The following KIAA1217 variants were observed in gnomAD, a reference collection of about 807,000 sequenced individuals.
The protein encoded by KIAA1217 is sickle tail protein homolog.
A neutral mutation model predicts 163.9 loss-of-function variants in KIAA1217; 88 were observed. That is an observed-to-expected ratio of 0.54 (90% confidence interval 0.45 to 0.64). The LOEUF is 0.64. Among genes scored for constraint, KIAA1217 ranks in the 30% least tolerant of loss-of-function variants. The pLI, the probability that KIAA1217 is intolerant of heterozygous loss-of-function variation, is 0.00. For missense variants in KIAA1217, 2,372 were observed against 2,475.0 expected (o/e 0.96, Z 0.88); for synonymous variants, 903 against 923.1 (o/e 0.98, Z 0.39).
intron 3 of KIAA1217, among the ~76,000 whole-genome samples, chr10:24,390,734 T>G (rs1366240665): frequency 1.3e-5 from 2 of 152,210 alleles, no homozygotes; most frequent in Non-Finnish European, 2.9e-5. Context: ...AAGTAAAACA[T>G]TTCAGGCTAA....
intron 5 of KIAA1217, among the ~76,000 whole-genome samples, chr10:24,472,617 T>C (rs2063646912): frequency 6.6e-6 from 1 of 152,210 alleles, no homozygotes; most frequent in Admixed American, 6.5e-5. Context: ...GCCACCACAC[T>C]ATTTTTTCCT....
At chr10:23,837,108 C>T (rs1231627427) in intron 1 of KIAA1217, among the ~76,000 whole-genome samples, 2 of 152,024 alleles carry the variant, frequency 1.3e-5, no homozygotes, top group Non-Finnish European at 2.9e-5. Flanking sequence ...GAGAACATGC[C>T]GTGTTTGACT....
At chr10:24,023,295 A>C (rs1214594820) in intron 2 of KIAA1217, among the ~76,000 whole-genome samples, 1 of 151,712 alleles carries the variant, frequency 6.6e-6, no homozygotes, top group Admixed American at 6.6e-5. Context: ...GGGAAGAGTA[A>C]AATTTTATAA....
chr10:24,381,335 A>G (rs1328746119), intron 3 of KIAA1217, among the ~76,000 whole-genome samples: 1 of 152,122 alleles, frequency 6.6e-6, no homozygotes, highest in Admixed American at 6.5e-5. Flanking sequence ...TATTTTACCT[A>G]TGTTCCTGCT....
Position 23,789,103 on chromosome 10 carries a change from G to A in KIAA1217, c.-321+93869G>A, listed in dbSNP as rs188463401. On this transcript the variant is annotated intron_variant, in intron 1 of 18. Transcript: ENST00000376462. The stretch of plus-strand genomic sequence containing the variant: ...AGAAAACTTTGTCTTTTCTATTTCC[G>A]TTTCTCTGATTGTGAAATAAATTAG... Among the ~76,000 whole-genome samples, 125 of 152,100 alleles carry A rather than the reference G, an allele frequency of 8.2e-4. 2 individuals carry two copies. The highest frequency in any genetic ancestry group is 1.9e-4 in the Non-Finnish European group (13 of 68,000).
At chr10:23,781,668 C>T (rs1835264446) in intron 1 of KIAA1217, among the ~76,000 whole-genome samples, 1 of 152,092 alleles carries the variant, frequency 6.6e-6, no homozygotes, top group South Asian at 2.1e-4. Flanking sequence ...AGGAGCTTTT[C>T]CCCTGTGTTT....
intron 1 of KIAA1217, among the ~76,000 whole-genome samples, chr10:23,896,886 G>A (rs1308723013): frequency 6.6e-6 from 1 of 152,030 alleles, no homozygotes; most frequent in East Asian, 1.9e-4. Context: ...GTGGGTGGTG[G>A]TTCACAAGTT....
chr10:23,973,257 G>A (rs1225601980), intron 1 of KIAA1217, among the ~76,000 whole-genome samples: 4 of 152,188 alleles, frequency 2.6e-5, no homozygotes, highest in African/African-American at 9.6e-5. Flanking sequence ...AGGGAAAAGA[G>A]AATTATTGAA....
At chr10:24,439,772 C>T (rs2060338985) in intron 5 of KIAA1217, among the ~76,000 whole-genome samples, 2 of 152,040 alleles carry the variant, frequency 1.3e-5, no homozygotes, top group African/African-American at 2.4e-5. Context: ...TGCTCACATC[C>T]CTAACCCTCC....
chr10:24,262,423 A>G (rs1361619241), intron 2 of KIAA1217, among the ~76,000 whole-genome samples: 3 of 152,000 alleles, frequency 2.0e-5, no homozygotes, highest in East Asian at 1.9e-4. Flanking sequence ...GTCAGGAGAT[A>G]GAGACCATCC....
At chr10:23,828,061 C>A (rs930404709) in intron 1 of KIAA1217, among the ~76,000 whole-genome samples, 2 of 152,156 alleles carry the variant, frequency 1.3e-5, no homozygotes, top group Admixed American at 6.5e-5. Context: ...AGCTAATTAA[C>A]GCTTATTGAT....
In KIAA1217 at chr10:24,118,995, A is replaced by G. The variant is rs377679161; in HGVS notation, c.-170-100631A>G. ...CCCTAGTCAGCCTTTTTTGCATATT[A>G]TAATCTCAATGAAGTTATCAGTTGT... On this transcript the variant is annotated intron_variant, in intron 2 of 18. Coordinates refer to the KIAA1217 transcript ENST00000376462. 5.9e-5 allele frequency among the ~76,000 whole-genome samples: 9 copies of G among 151,822 alleles called. No individual in the cohort carries two copies. In the East Asian group the frequency reaches 1.3e-3, roughly 23 times the overall value.
At chr10:24,171,126 G>T (rs779053059) in intron 2 of KIAA1217, among the ~76,000 whole-genome samples, 1 of 152,204 alleles carries the variant, frequency 6.6e-6, no homozygotes, top group East Asian at 1.9e-4. Context: ...TTCACTCAAA[G>T]ACATAATCAG....
intron 10 of KIAA1217, among the ~76,000 whole-genome samples, chr10:24,519,136 C>T (rs2070682397): frequency 6.6e-6 from 1 of 152,210 alleles, no homozygotes; most frequent in African/African-American, 2.4e-5. Context: ...CTTTCGGACG[C>T]TGGCTCCACA....
At chr10:24,401,374 G>A (rs1453973193) in intron 3 of KIAA1217, among the ~76,000 whole-genome samples, 1 of 152,114 alleles carries the variant, frequency 6.6e-6, no homozygotes, top group Non-Finnish European at 1.5e-5. Flanking sequence ...TCATCAAGGT[G>A]TAAAAGCAAT....
At chr10:24,069,592 G>T (rs1357806431) in intron 2 of KIAA1217, among the ~76,000 whole-genome samples, 1 of 152,176 alleles carries the variant, frequency 6.6e-6, no homozygotes. Flanking sequence ...GTGCTGTGCT[G>T]GGGGTAGGGG....
At chr10:24,374,983 A>C (rs180929650) in intron 2 of KIAA1217, among the ~76,000 whole-genome samples, 5 of 152,232 alleles carry the variant, frequency 3.3e-5, no homozygotes, top group African/African-American at 9.6e-5. Flanking sequence ...CAGAGTCTCA[A>C]CTAGGTTGCC....
intron 1 of KIAA1217, among the ~76,000 whole-genome samples, chr10:23,828,465 G>C (rs1168121819): frequency 6.6e-6 from 1 of 152,068 alleles, no homozygotes; most frequent in Non-Finnish European, 1.5e-5. Context: ...TTGATAGTTT[G>C]GTTTTATAAC....
Position 24,546,277 on chromosome 10 carries a change from G to C in KIAA1217, c.5785G>C (p.Gly1929Arg). Reference protein sequence around the residue: ...PSLTSYKAQNGSSSKATPSTA... With the variant: ...PSLTSYKAQNRSSSKATPSTA... ...CCTCACCAGCTACAAGGCACAGAAT[G>C]GAAGTTCAAGCAAAGCCACCCCATC... Residue 1929 changes from glycine to arginine, a missense_variant, in exon 21 of 21, where the codon GGA becomes CGA. This residue lies in a region of KIAA1217 where 690 missense variants were observed against 677.5 expected (regional missense o/e 1.02). Transcript: ENST00000376454. 6.2e-7 allele frequency: 1 copy of C among 1,612,978 alleles called. No individual in the cohort carries two copies. Among genetic ancestry groups the C allele is most frequent in the Non-Finnish European group, 8.5e-7 (1 of 1,179,342 alleles).
Sources: allele counts gnomAD v4.1 joint callset (sites outside exome capture counted in the v4.1 genomes callset), GRCh38; gene constraint gnomAD v4.1.1; regional missense constraint gnomAD v4.1.1; transcripts MANE v1.5; gene names NCBI Gene and HGNC (gene_info 2026-07-23, HGNC 2026-07-21).